Variants in RPS8 observed in about 807,000 individuals in gnomAD.
RPS8 encodes the protein ribosomal protein S8, also known as small ribosomal subunit protein eS8.
For synonymous variants in RPS8, 100 were observed against 100.7 expected, an observed-to-expected ratio of 0.99 and a Z score of 0.04; for missense variants, 141 against 269.7, an observed-to-expected ratio of 0.52 and a Z score of 3.34.
intron 1 of RPS8, 134 bp downstream of exon 1, chr1:44,775,734 C>T (rs1650822054): frequency 2.8e-5 from 34 of 1,221,762 alleles, no homozygotes; most frequent in South Asian, 7.2e-5. Flanking sequence ...TGGTGGCCCT[C>T]GGGTTTCGGC....
chr1:44,777,509 TC>T (rs1221229936), intron 3 of RPS8, 104 bp from the exon 4 acceptor site: 2 of 874,834 alleles, frequency 2.3e-6, no homozygotes, highest in Admixed American at 4.4e-5. Flanking sequence ...GGCTGAGAGT[TC>T]CCTTATTTCT....
intron 2 of RPS8, chr1:44,776,356 G>A: frequency 1.5e-6 from 1 of 679,684 alleles, no homozygotes; most frequent in Non-Finnish European, 2.6e-6. Flanking sequence ...TAGGATTTCA[G>A]AGAGAAGGAT....
chr1:44,778,641 T>C lies in RPS8; in HGVS notation c.583T>C (p.Leu195=). ...TGGCTATGTGCTAGAGGGCAAAGAG[T>C]TGGAGTTCTATCTTAGGAAAATCAA... ...ADGYVLEGKE[L]EFYLRKIKAR... The change falls in exon 6 of 6, where the codon TTG becomes CTG. Residue 195 remains leucine (L), a synonymous_variant. Transcript: ENST00000396651. The C allele has an allele frequency of 2.5e-6, 4 of 1,613,192 alleles. No individual in the cohort carries two copies. The highest frequency in any genetic ancestry group is 3.4e-6 in the Non-Finnish European group (4 of 1,179,858).
intron 3 of RPS8, 60 bp from the exon 4 acceptor site, chr1:44,777,554 G>C (rs191693662): frequency 2.2e-6 from 3 of 1,371,504 alleles, no homozygotes; most frequent in South Asian, 2.5e-5. Context: ...GAACCTGGAG[G>C]AGTGTGCCAG....
In RPS8 at chr1:44,775,604, A is replaced by G. The variant is rs762761259; in HGVS notation, c.4+4A>G. ...TCCAGCCAGCGCCGAGCGATGGGTG[A>G]GTGTCGCTCTGCATTGAGGCGGGTG... On this transcript the variant is annotated splice_donor_region_variant and intron_variant, in intron 1 of 5. Transcript: ENST00000396651. 6.2e-7 allele frequency: 1 copy of G among 1,614,046 alleles called. No individual in the cohort carries two copies. The highest frequency in any genetic ancestry group is 1.1e-5 in the South Asian group (1 of 91,080).
chr1:44,777,084 T>C (rs780064374), intron 3 of RPS8: 20 of 257,826 alleles, frequency 7.8e-5, no homozygotes, highest in Non-Finnish European at 1.4e-4. Context: ...TGCTCCAATC[T>C]CTTTTTTTGA....
chr1:44,776,291 T>G lies in RPS8; in HGVS notation c.111+151T>G. 1.2e-5 allele frequency: 8 copies of G among 662,938 alleles called. No homozygotes were observed. The South Asian group carries it at 1.3e-4, about 11-fold the overall frequency. 41.1% of individuals were successfully genotyped at this position (662,938 alleles called of 1,614,324 possible). ...GGGTGTCCTGTCCCCCTTTAGCTGT[T>G]GGATAAGTAAGTACCAAAGAGGGAA... On this transcript the variant is annotated intron_variant, in intron 2 of 5. Coordinates refer to ENST00000396651, the MANE Select transcript of RPS8 (RefSeq NM_001012.2).
chr1:44,777,825 G>A, intron 4 of RPS8, 36 bp downstream of exon 4: 4 of 1,607,230 alleles, frequency 2.5e-6, no homozygotes, highest in Non-Finnish European at 3.4e-6. Flanking sequence ...TGTGGGGAGG[G>A]CAGCCTGACT....
rs775954398 is a variant in RPS8, at chr1:44,776,133, A to G, written c.104A>G (p.Asn35Ser). The change falls in exon 2 of 6, where the codon AAC (asparagine) becomes AGC (serine). Residue 35 changes from asparagine (N) to serine (S), a missense_variant. Physicochemically the swap from Asn to Ser is conservative, Grantham distance 46. Coordinates refer to ENST00000396651, the MANE Select transcript of RPS8 (RefSeq NM_001012.2). ...RKYELGRPAA[N>S]TKIGPRRIHT... is the part of the protein sequence containing the mutation. ...TATGAGTTGGGGCGCCCAGCTGCCAACACCAAGGTGGGTGCGAGCGTGGGC... is the reference window on the plus strand; with the variant it reads ...TATGAGTTGGGGCGCCCAGCTGCCAGCACCAAGGTGGGTGCGAGCGTGGGC... The G allele has an allele frequency of 5.6e-6, 9 of 1,600,728 alleles. No homozygotes were observed. The highest frequency in any genetic ancestry group is 2.2e-5 in the South Asian group (2 of 90,146).
chr1:44,777,329 C>T (rs1557609142), intron 3 of RPS8: 1 of 348,040 alleles, frequency 2.9e-6, no homozygotes, highest in Non-Finnish European at 5.3e-6. Flanking sequence ...CCTTGACCTC[C>T]CAAAGTGCTG....
chr1:44,777,081 ATC>A (rs1181369129), intron 3 of RPS8: 1 of 262,110 alleles, frequency 3.8e-6, no homozygotes, highest in African/African-American at 2.3e-5. Flanking sequence ...TCCTGCTCCA[ATC>A]TCTTTTTTTG....
At chr1:44,775,647 A>C in intron 1 of RPS8, 47 bp downstream of exon 1, 1 of 1,612,236 alleles carries the variant, frequency 6.2e-7, no homozygotes, top group South Asian at 1.1e-5. Context: ...GTTGAGCTCA[A>C]TCAGGCCCCA....
At chr1:44,777,530 C>G in intron 3 of RPS8, 84 bp from the exon 4 acceptor site, 1 of 1,120,832 alleles carries the variant, frequency 8.9e-7, no homozygotes, top group Non-Finnish European at 1.3e-6. Flanking sequence ...TCCTTAAGGC[C>G]TCATGGGGCT....
intron 1 of RPS8, 178 bp downstream of exon 1, chr1:44,775,778 TGGGCTCCGGGTTCCGGGCCGCGGGCTGC>T: frequency 1.1e-6 from 1 of 924,630 alleles, no homozygotes; most frequent in East Asian, 2.5e-5. Context: ...GCGAAGGCTC[TGGGCTCCGGGTTCCGGGCCGCGGGCTGC>T]GGGCTCCGAG....
intron 3 of RPS8, 41 bp downstream of exon 3, chr1:44,776,815 A>T (rs1650871117): frequency 1.4e-6 from 2 of 1,469,258 alleles, no homozygotes; most frequent in South Asian, 2.4e-5. Context: ...AAACGCACCT[A>T]AACGGTCTTA....
chr1:44,776,089 C>G lies in RPS8; in HGVS notation c.60C>G (p.Pro20=). ...GCAAAACCGGGGGCAAGAGAAAGCCCTACCACAAGAAGCGGAAGTATGAGT... is the reference window on the plus strand; with the variant it reads ...GCAAAACCGGGGGCAAGAGAAAGCCGTACCACAAGAAGCGGAAGTATGAGT... ...KRRKTGGKRK[P]YHKKRKYELG... The change falls in exon 2 of 6, where the codon CCC becomes CCG. Residue 20 remains proline, a synonymous_variant. Coordinates refer to ENST00000396651, the MANE Select transcript of RPS8 (RefSeq NM_001012.2). 1 of 1,610,580 alleles carries G rather than the reference C, an allele frequency of 6.2e-7. No individual in the cohort carries two copies. Among genetic ancestry groups the G allele is most frequent in the Non-Finnish European group, 8.5e-7 (1 of 1,179,110 alleles).
At position 44,778,768 on chromosome 1, in the gene RPS8, T is replaced by G; in HGVS notation, c.*83T>G. 2.0e-6 allele frequency: 2 copies of G among 983,294 alleles called. No individual in the cohort carries two copies. Among genetic ancestry groups the G allele is most frequent in the Non-Finnish European group, 3.0e-6 (2 of 658,156 alleles). The allele number at this position is 983,294 out of a possible 1,614,324, so 60.9% of individuals were successfully genotyped here. On this transcript the variant is annotated 3_prime_UTR_variant, in exon 6 of 6. Coordinates refer to ENST00000396651, the MANE Select transcript of RPS8 (RefSeq NM_001012.2). ...TATGTTGCCTGAATATATGACTGTTTTCTCTGCTTTATTTCCTTGCCCTGC... is the reference window on the plus strand; with the variant it reads ...TATGTTGCCTGAATATATGACTGTTGTCTCTGCTTTATTTCCTTGCCCTGC...
At chr1:44,778,152 G>T in intron 5 of RPS8, 23 bp downstream of exon 5, 1 of 1,588,028 alleles carries the variant, frequency 6.3e-7, no homozygotes, top group East Asian at 2.3e-5. Flanking sequence ...TTGTGTTGGA[G>T]GTGGGGAGTC....
At chr1:44,776,835 A>G (rs927378134) in intron 3 of RPS8, 61 bp downstream of exon 3, 1 of 1,333,870 alleles carries the variant, frequency 7.5e-7, no homozygotes, top group African/African-American at 1.5e-5. Context: ...AAGATTCACC[A>G]AGTGGGCCTG....
Sources: gnomAD v4.1 joint callset for allele counts on GRCh38, gnomAD v4.1.1 for gene constraint, MANE v1.5 for transcripts, NCBI Gene and HGNC (gene_info 2026-07-23, HGNC 2026-07-21) for gene names.